XIRP1: variants seen among roughly 807,000 people sequenced by gnomAD.
The protein encoded by XIRP1 is xin actin binding repeat containing 1.
For synonymous variants in XIRP1, 984 were observed against 947.0 expected (o/e 1.04, Z -0.72); for missense variants, 2,378 against 2,345.4 (o/e 1.01, Z -0.29).
In XIRP1 at chr3:39,187,485, C is replaced by A. The variant is rs780186725; in HGVS notation, c.1961G>T (p.Gly654Val). Residue 654 changes from glycine (G) to valine (V), a missense_variant, in exon 2 of 2, where the codon GGG becomes GTG. Physicochemically the swap from Gly to Val is moderately radical, Grantham distance 109 (BLOSUM62 -3). Transcript: ENST00000340369. ...QHLQVSQVPA[G>V]ERQTDRHVFE... ...GACGTGTCTGTCTGTCTGTCTTTCCCCAGCCGGGACCTGGCTAACCTGCAG... is the reference window on the plus strand; with the variant it reads ...GACGTGTCTGTCTGTCTGTCTTTCCACAGCCGGGACCTGGCTAACCTGCAG... 3.0e-5 allele frequency: 49 copies of A among 1,613,944 alleles called. No homozygotes were observed. Among genetic ancestry groups the A allele is most frequent in the Non-Finnish European group, 3.8e-5 (45 of 1,180,048 alleles).
Position 39,184,733 on chromosome 3 carries a change from T to C in XIRP1, c.4713A>G (p.Arg1571=), listed in dbSNP as rs145972559. Residue 1571 remains arginine, a synonymous_variant, in exon 2 of 2, where the codon AGA becomes AGG. Transcript: ENST00000340369. ...MSSLQPEASA[R]GHFQGPPKDH... is the part of the protein sequence containing the mutation. ...CTTTTGGAGGTCCCTGGAAATGGCCTCTGGCACTGGCCTCAGGCTGGAGGC... is the reference window on the plus strand; with the variant it reads ...CTTTTGGAGGTCCCTGGAAATGGCCCCTGGCACTGGCCTCAGGCTGGAGGC... The C allele has an allele frequency of 9.3e-6, 15 of 1,614,262 alleles. No individual in the cohort carries two copies. In the African/African-American group the frequency reaches 2.0e-4, roughly 22 times the overall value.
chr3:39,188,431 C>T lies in XIRP1; in HGVS notation c.1015G>A (p.Gly339Ser). 1.9e-6 allele frequency: 3 copies of T among 1,606,772 alleles called. No homozygotes were observed. Among genetic ancestry groups the T allele is most frequent in the Non-Finnish European group, 2.6e-6 (3 of 1,174,566 alleles). Reference protein sequence around the residue: ...FQPSPDLIPPGPDVQQQQHLF... With the variant: ...FQPSPDLIPPSPDVQQQQHLF... ...TGCTGCTGCTGCTGAACATCTGGAC[C>T]AGGTGGGATAAGGTCTGGGGATGGC... The change falls in exon 2 of 2, where the codon GGT becomes AGT. Residue 339 changes from glycine (G) to serine (S), a missense_variant. Transcript: ENST00000340369.
Position 39,188,579 on chromosome 3 carries a change from C to T in XIRP1, c.867G>A (p.Arg289=). 2 of 1,613,632 alleles carry T rather than the reference C, an allele frequency of 1.2e-6. No homozygotes were observed. Among genetic ancestry groups the T allele is most frequent in the Non-Finnish European group, 1.7e-6 (2 of 1,179,702 alleles). Reference sequence around the variant, plus strand: ...CCTCCAGGGAAATCCCCCGGATCACCCGCACCTGGCTGGGGTCCTGGTTGA... The same window carrying T: ...CCTCCAGGGAAATCCCCCGGATCACTCGCACCTGGCTGGGGTCCTGGTTGA... ...DAINQDPSQV[R]VIRGISLEEG... is the part of the protein sequence containing the mutation. Residue 289 remains arginine, a synonymous_variant, in exon 2 of 2, where the codon CGG becomes CGA. Coordinates refer to ENST00000340369, the MANE Select transcript of XIRP1 (RefSeq NM_194293.4).
chr3:39,187,178 C>T lies in XIRP1; in HGVS notation c.2268G>A (p.Met756Ile), dbSNP rs546346933. 3.7e-6 allele frequency: 6 copies of T among 1,603,568 alleles called. No homozygotes were observed. Among genetic ancestry groups the T allele is most frequent in the South Asian group, 1.1e-5 (1 of 90,636 alleles). Reference protein sequence around the residue: ...QGGNLLEEQPMSPSGNRMQES... With the variant: ...QGGNLLEEQPISPSGNRMQES... ...CTTGCATCCTGTTGCCTGAGGGGCTCATGGGCTGCTCTTCCAGGAGGTTGC... is the reference window on the plus strand; with the variant it reads ...CTTGCATCCTGTTGCCTGAGGGGCTTATGGGCTGCTCTTCCAGGAGGTTGC... The change falls in exon 2 of 2, where the codon ATG becomes ATA. Residue 756 changes from methionine to isoleucine, a missense_variant. Physicochemically the swap from Met to Ile is conservative, Grantham distance 10. Transcript: ENST00000340369.
Position 39,184,336 on chromosome 3 carries a change from C to T in XIRP1, c.5110G>A (p.Asp1704Asn). The change falls in exon 2 of 2, where the codon GAC becomes AAC. Residue 1704 changes from aspartate to asparagine, a missense_variant. Transcript: ENST00000340369. The stretch of plus-strand genomic sequence containing the variant: ...TGGTGGAGCAGGGCCTGGCCTATGT[C>T]CTGAGCCAGTTGTGTGCTTTTCACT... ...VSVKSTQLAQDIGQALLHQKG... is the reference protein window; with the variant it reads ...VSVKSTQLAQNIGQALLHQKG... The T allele has an allele frequency of 6.2e-7, 1 of 1,614,186 alleles. No homozygotes were observed. Among genetic ancestry groups the T allele is most frequent in the Non-Finnish European group, 8.5e-7 (1 of 1,180,038 alleles).
Position 39,189,420 on chromosome 3 carries a change from G to C in XIRP1, c.26C>G (p.Ala9Gly). ...TGCCATCCTCATGGTTGGTGTGGGGGCCACCTGTGTCTGGGTGTCGGCCAT... is the reference window on the plus strand; with the variant it reads ...TGCCATCCTCATGGTTGGTGTGGGGCCCACCTGTGTCTGGGTGTCGGCCAT... MADTQTQVAPTPTMRMATA... is the reference protein window; with the variant it reads MADTQTQVGPTPTMRMATA... Residue 9 changes from alanine (A) to glycine (G), a missense_variant, in exon 2 of 2, where the codon GCC (alanine) becomes GGC (glycine). Transcript: ENST00000340369. 1 of 1,601,180 alleles carries C rather than the reference G, an allele frequency of 6.2e-7. No homozygotes were observed. Among genetic ancestry groups the C allele is most frequent in the Non-Finnish European group, 8.5e-7 (1 of 1,173,450 alleles).
Position 39,186,731 on chromosome 3 carries a change from G to T in XIRP1, c.2715C>A (p.Val905=), listed in dbSNP as rs142022674. 1.2e-6 allele frequency: 2 copies of T among 1,613,962 alleles called. No individual in the cohort carries two copies. Among genetic ancestry groups the T allele is most frequent in the Admixed American group, 3.3e-5 (2 of 60,028 alleles). Residue 905 remains valine (V), a synonymous_variant, in exon 2 of 2, where the codon GTC becomes GTA. Transcript: ENST00000340369. ...LVMQETEQGL[V]ALTAYSLQPR... The stretch of plus-strand genomic sequence containing the variant: ...GCTGCAGAGAGTAGGCAGTCAGTGC[G>T]ACCAGGCCCTGCTCTGTCTCCTGCA...
chr3:39,188,997 C>T lies in XIRP1; in HGVS notation c.449G>A (p.Gly150Glu). The T allele has an allele frequency of 2.5e-6, 4 of 1,613,870 alleles. No homozygotes were observed. The highest frequency in any genetic ancestry group is 3.4e-6 in the Non-Finnish European group (4 of 1,180,028). ...DQEPTRPQPGGGDVRAARWLF... is the reference protein window; with the variant it reads ...DQEPTRPQPGEGDVRAARWLF... ...CCAGCGGGCTGCACGAACGTCTCCT[C>T]CACCTGGCTGGGGCCTGGTTGGCTC... Residue 150 changes from glycine to glutamate, a missense_variant, in exon 2 of 2, where the codon GGA (glycine) becomes GAA (glutamate). By Grantham distance (98) the Gly-to-Glu change is moderately conservative. Transcript: ENST00000340369.
rs1262684476 is a variant in XIRP1, at chr3:39,186,505, C to T, written c.2941G>A (p.Gly981Arg). 1 of 1,613,448 alleles carries T rather than the reference C, an allele frequency of 6.2e-7. No homozygotes were observed. The highest frequency in any genetic ancestry group is 1.3e-5 in the African/African-American group (1 of 74,972). The change falls in exon 2 of 2, where the codon GGG becomes AGG. Residue 981 changes from glycine to arginine, a missense_variant. Physicochemically the swap from Gly to Arg is moderately radical, Grantham distance 125. Coordinates refer to ENST00000340369, the MANE Select transcript of XIRP1 (RefSeq NM_194293.4). Reference sequence around the variant, plus strand: ...CCTGAGGCTCTCAGATGCCCCATCCCCATGCTGGGGTCCAGTGGGGGAACA... The same window carrying T: ...CCTGAGGCTCTCAGATGCCCCATCCTCATGCTGGGGTCCAGTGGGGGAACA... ...IHVPPLDPSM[G>R]MGHLRASGAT...
At position 39,188,101 on chromosome 3, in the gene XIRP1, G is replaced by A. The variant is rs747577100; in HGVS notation, c.1345C>T (p.Pro449Ser). Reference sequence around the variant, plus strand: ...TCACCCTGTCCAATGCTGTCCAAGGGAAGGGTCTCAAAAAGGTTCTTAAAA... The same window carrying A: ...TCACCCTGTCCAATGCTGTCCAAGGAAAGGGTCTCAAAAAGGTTCTTAAAA... ...KTFKNLFETL[P>S]LDSIGQGEVL... Residue 449 changes from proline to serine, a missense_variant, in exon 2 of 2, where the codon CCC becomes TCC. Coordinates refer to ENST00000340369, the MANE Select transcript of XIRP1 (RefSeq NM_194293.4). The A allele has an allele frequency of 8.7e-6, 14 of 1,614,194 alleles. No individual in the cohort carries two copies. Among genetic ancestry groups the A allele is most frequent in the Non-Finnish European group, 1.2e-5 (14 of 1,180,026 alleles).
In XIRP1 at chr3:39,189,120, T is replaced by A; in HGVS notation, c.326A>T (p.His109Leu). 1 of 1,614,108 alleles carries A rather than the reference T, an allele frequency of 6.2e-7. No individual in the cohort carries two copies. Among genetic ancestry groups the A allele is most frequent in the Non-Finnish European group, 8.5e-7 (1 of 1,180,026 alleles). ...GGGCTCCTTGGCAGCTGGCCTCTCGTGTTCTCCAATGGCATCCAGTCTCCA... is the reference window on the plus strand; with the variant it reads ...GGGCTCCTTGGCAGCTGGCCTCTCGAGTTCTCCAATGGCATCCAGTCTCCA... ...ENWRLDAIGE[H>L]ERPAAKEPVL... Residue 109 changes from histidine to leucine, a missense_variant, in exon 2 of 2, where the codon CAC becomes CTC. Transcript: ENST00000340369.
In XIRP1 at chr3:39,189,512, G is replaced by T; in HGVS notation, c.-67C>A. 7 of 1,520,942 alleles carry T rather than the reference G, an allele frequency of 4.6e-6. No homozygotes were observed. The South Asian group carries it at 7.9e-5, about 17-fold the overall frequency. 94.2% of individuals were successfully genotyped at this position (1,520,942 alleles called of 1,614,324 possible). A position where few individuals can be genotyped will look rare whatever the true frequency, so the allele number is the denominator to read the frequency against. ...GCCTTAGATCTAGATGTTCAGCAGG[G>T]TAGAGGCTGGATGCTGGGAGAAATG... On this transcript the variant is annotated 5_prime_UTR_variant, in exon 2 of 2. Coordinates refer to ENST00000340369, the MANE Select transcript of XIRP1 (RefSeq NM_194293.4).
rs1461956717 is a variant in XIRP1, at chr3:39,184,053, T to A, written c.5393A>T (p.Asn1798Ile). ...TVTEQAEPPR[N>I]PGSHLGLHAS... ...GTGGAGCCCGAGGTGGGAGCCTGGG[T>A]TCCTGGGTGGCTCTGCCTGCTCGGT... The change falls in exon 2 of 2, where the codon AAC (asparagine) becomes ATC (isoleucine). Residue 1798 changes from asparagine to isoleucine, a missense_variant. Asn to Ile is a moderately radical substitution (Grantham distance 149). Transcript: ENST00000340369. 1 of 1,610,456 alleles carries A rather than the reference T, an allele frequency of 6.2e-7. No individual in the cohort carries two copies. Among genetic ancestry groups the A allele is most frequent in the Admixed American group, 1.7e-5 (1 of 59,824 alleles).
chr3:39,187,045 A>G lies in XIRP1; in HGVS notation c.2401T>C (p.Cys801Arg), dbSNP rs2039992113. Residue 801 changes from cysteine to arginine, a missense_variant, in exon 2 of 2, where the codon TGT (cysteine) becomes CGT (arginine). Transcript: ENST00000340369. ...CCCGAGAGCACATACTTGGCAAGAC[A>G]GAGCTCCCCTGGCCCTCGGGCCTCC... ...LMEARGPGELCLAKYVLSGTG... is the reference protein window; with the variant it reads ...LMEARGPGELRLAKYVLSGTG... The G allele has an allele frequency of 1.2e-6, 2 of 1,611,454 alleles. No homozygotes were observed. The highest frequency in any genetic ancestry group is 8.5e-7 in the Non-Finnish European group (1 of 1,177,854).
chr3:39,188,158 G>A lies in XIRP1; in HGVS notation c.1288C>T (p.Gln430Ter), dbSNP rs2040020955. Residue 430 changes from glutamine to a stop codon, truncating the protein, a stop_gained, in exon 2 of 2, where the codon CAG (glutamine) becomes TAG (stop). Transcript: ENST00000340369. LOFTEE classifies it low-confidence loss of function (END_TRUNC). Reference protein sequence around the residue: ...SALPFSQSAPQRDELKGDVKT... With the variant: ...SALPFSQSAP ...ACATCCCCCTTTAGCTCATCCCTCT[G>A]GGGGGCACTCTGAGAGAAGGGCAGT... 2 of 1,614,128 alleles carry A rather than the reference G, an allele frequency of 1.2e-6. No homozygotes were observed. Among genetic ancestry groups the A allele is most frequent in the Non-Finnish European group, 1.7e-6 (2 of 1,180,012 alleles).
In XIRP1 at chr3:39,184,845, G is replaced by A. The variant is rs145034699; in HGVS notation, c.4601C>T (p.Thr1534Met). ...QAFGELTRVS[T>M]EVAQLKEQTL... ...CTGTTCCTTCAGTTGAGCAACTTCCGTGCTGACCCGTGTCAGCTCCCCAAA... is the reference window on the plus strand; with the variant it reads ...CTGTTCCTTCAGTTGAGCAACTTCCATGCTGACCCGTGTCAGCTCCCCAAA... Residue 1534 changes from threonine (T) to methionine (M), a missense_variant, in exon 2 of 2, where the codon ACG becomes ATG. Physicochemically the swap from Thr to Met is moderately conservative, Grantham distance 81 (BLOSUM62 -1). Coordinates refer to ENST00000340369, the MANE Select transcript of XIRP1 (RefSeq NM_194293.4). The A allele has an allele frequency of 6.2e-4, 1,002 of 1,611,426 alleles. No homozygotes were observed. Among genetic ancestry groups the A allele is most frequent in the Non-Finnish European group, 8.1e-4 (949 of 1,177,706 alleles).
chr3:39,184,504 C>T lies in XIRP1; in HGVS notation c.4942G>A (p.Glu1648Lys), dbSNP rs543223307. 15 of 1,613,946 alleles carry T rather than the reference C, an allele frequency of 9.3e-6. 1 individual carries two copies. The African/African-American group carries it at 1.7e-4, about 19-fold the overall frequency. The change falls in exon 2 of 2, where the codon GAG becomes AAG. Residue 1648 changes from glutamate (E) to lysine (K), a missense_variant. Transcript: ENST00000340369. ...GGGCACAAATACTCTCTTGATGTCT[C>T]CTGCCTCCTGGTGGAAGGGGCAGTT... ...ASTAPSTRRQ[E>K]TSREYLCPPR... is the part of the protein sequence containing the mutation.
In XIRP1 at chr3:39,187,652, G is replaced by A. The variant is rs1332080868; in HGVS notation, c.1794C>T (p.Phe598=). 6.2e-6 allele frequency: 10 copies of A among 1,613,900 alleles called. No homozygotes were observed. Among genetic ancestry groups the A allele is most frequent in the African/African-American group, 1.3e-5 (1 of 74,918 alleles). Reference sequence around the variant, plus strand: ...CCAACTCACTCATTGGGCAAGTCTCGAACAACCACCGGATGGTCTGCACAT... The same window carrying A: ...CCAACTCACTCATTGGGCAAGTCTCAAACAACCACCGGATGGTCTGCACAT... The part of the protein sequence containing the change: ...KGDVQTIRWL[F]ETCPMSELAE... The change falls in exon 2 of 2, where the codon TTC becomes TTT. Residue 598 remains phenylalanine (F), a synonymous_variant. Transcript: ENST00000340369.
Position 39,187,102 on chromosome 3 carries a change from G to C in XIRP1, c.2344C>G (p.Pro782Ala). ...ATGCCTCCATGGTGCAGGATGCCAG[G>C]TGTGGCATGCAGAGTCCGCAGGGTC... ...EGTLRTLHAT[P>A]GILHHGGILM... is the part of the protein sequence containing the mutation. Residue 782 changes from proline to alanine, a missense_variant, in exon 2 of 2, where the codon CCT (proline) becomes GCT (alanine). By Grantham distance (27) the Pro-to-Ala change is conservative. Coordinates refer to ENST00000340369, the MANE Select transcript of XIRP1 (RefSeq NM_194293.4). 1 of 1,613,666 alleles carries C rather than the reference G, an allele frequency of 6.2e-7. No homozygotes were observed. Among genetic ancestry groups the C allele is most frequent in the Non-Finnish European group, 8.5e-7 (1 of 1,179,612 alleles).
Sources: allele counts gnomAD v4.1 joint callset, GRCh38; gene constraint gnomAD v4.1.1; transcripts MANE v1.5; gene names NCBI Gene and HGNC (gene_info 2026-07-23, HGNC 2026-07-21).